PCDH7: variants seen among roughly 807,000 people sequenced by gnomAD.
The protein encoded by PCDH7 is protocadherin 7, also known as protocadherin-7.
Under a neutral mutation model 58.9 loss-of-function variants are expected in PCDH7, and 17 were observed. That is an observed-to-expected ratio of 0.29 (90% CI 0.20 to 0.43). The LOEUF is 0.43. Ranked by LOEUF, PCDH7 falls within the 20% of genes least tolerant of loss-of-function variation. PCDH7 has a pLI of 1.00. For missense variants in PCDH7, 1,274 were observed against 1,441.0 expected, an observed-to-expected ratio of 0.88 and a Z score of 1.88; for synonymous variants, 664 against 616.4, an observed-to-expected ratio of 1.08 and a Z score of -1.14.
At chr4:31,106,027 T>A (rs1460110176) in intron 3 of PCDH7, among the ~76,000 whole-genome samples, 2 of 150,224 alleles carry the variant, frequency 1.3e-5, no homozygotes, top group South Asian at 2.1e-4. Context: ...AAAAAAAATA[T>A]ATATATATAT....
intron 2 of PCDH7, among the ~76,000 whole-genome samples, chr4:30,924,200 T>G (rs552337775): frequency 2.0e-5 from 3 of 152,300 alleles, no homozygotes; most frequent in Admixed American, 2.0e-4. Flanking sequence ...CAAAGCCAGT[T>G]TGCCTTTGCT....
chr4:30,918,160 A>G (rs1384248679), intron 1 of PCDH7, among the ~76,000 whole-genome samples: 2 of 152,174 alleles, frequency 1.3e-5, no homozygotes, highest in Non-Finnish European at 1.5e-5. Context: ...ATATGTCTGC[A>G]TGACCCTTGG....
At chr4:30,916,691 G>A (rs546788528) in intron 1 of PCDH7, among the ~76,000 whole-genome samples, 4 of 152,250 alleles carry the variant, frequency 2.6e-5, no homozygotes, top group Admixed American at 6.5e-5. Context: ...GATGGAACCA[G>A]GAGTCTACTG....
chr4:31,114,784 C>T (rs535099449), intron 3 of PCDH7, among the ~76,000 whole-genome samples: 1 of 152,146 alleles, frequency 6.6e-6, no homozygotes, highest in African/African-American at 2.4e-5. Context: ...AGCAAAATTC[C>T]TGTTATTTAA....
intron 3 of PCDH7, among the ~76,000 whole-genome samples, chr4:30,957,963 T>C (rs552927386): frequency 6.6e-6 from 1 of 152,234 alleles, no homozygotes; most frequent in East Asian, 1.9e-4. Context: ...CATTTGAATA[T>C]GTTTTATGAC....
intron 3 of PCDH7, among the ~76,000 whole-genome samples, chr4:31,076,497 T>G (rs1323922996): frequency 1.3e-5 from 2 of 152,186 alleles, no homozygotes; most frequent in African/African-American, 4.8e-5. Context: ...GTGGTACTAT[T>G]TAAAATATAC....
chr4:31,002,723 T>C (rs147869157), intron 3 of PCDH7, among the ~76,000 whole-genome samples: 7 of 152,330 alleles, frequency 4.6e-5, no homozygotes, highest in African/African-American at 1.4e-4. Context: ...GTATTCTAAG[T>C]TCAACTTAAT....
At chr4:30,995,619 A>T (rs1263236937) in intron 3 of PCDH7, among the ~76,000 whole-genome samples, 1 of 152,152 alleles carries the variant, frequency 6.6e-6, no homozygotes, top group African/African-American at 2.4e-5. Flanking sequence ...TTATTATCTT[A>T]CAGTTCTGGA....
intron 1 of PCDH7, among the ~76,000 whole-genome samples, chr4:30,745,332 A>AT (rs1717640367): frequency 6.8e-6 from 1 of 147,242 alleles, no homozygotes; most frequent in African/African-American, 2.5e-5. Context: ...TTTTTCTTTT[A>AT]CAATTTCTAA....
intron 3 of PCDH7, among the ~76,000 whole-genome samples, chr4:30,965,542 T>C (rs542630388): frequency 6.6e-6 from 1 of 152,218 alleles, no homozygotes; most frequent in East Asian, 1.9e-4. Flanking sequence ...TGATAAGATA[T>C]CAAATCACCT....
intron 3 of PCDH7, among the ~76,000 whole-genome samples, chr4:31,024,811 C>T (rs1461314037): frequency 6.6e-6 from 1 of 152,054 alleles, no homozygotes; most frequent in African/African-American, 2.4e-5. Flanking sequence ...ATGCGATCTC[C>T]ACTCGCTGCA....
chr4:30,745,247 TG>T (rs1717621840), intron 1 of PCDH7, among the ~76,000 whole-genome samples: 1 of 116,044 alleles, frequency 8.6e-6, no homozygotes, highest in African/African-American at 2.8e-5. Flanking sequence ...TTTTACATCT[TG>T]TTTTTTTTTT....
At chr4:30,908,785 C>A (rs1462864638) in intron 1 of PCDH7, among the ~76,000 whole-genome samples, 1 of 152,094 alleles carries the variant, frequency 6.6e-6, no homozygotes, top group Admixed American at 6.6e-5. Context: ...TCTTCTGAAA[C>A]TATTCCAAAC....
chr4:30,851,735 A>G (rs1334395465), intron 1 of PCDH7, among the ~76,000 whole-genome samples: 1 of 152,108 alleles, frequency 6.6e-6, no homozygotes, highest in African/African-American at 2.4e-5. Context: ...GTAGTAAAGA[A>G]GAAGTAACCA....
chr4:30,721,291 C>T lies in PCDH7; in HGVS notation c.-132C>T. On this transcript the variant is annotated 5_prime_UTR_variant, in exon 1 of 2. Coordinates refer to ENST00000361762, the Ensembl canonical transcript of PCDH7. This position sits in a 1 kb window ranked among gnomAD's most constrained non-coding sequence, Gnocchi z 6.7. ...TCCACGCCGCTTTTGCCCCCTCCCTCCCCTCCCTCTCGCTCCTTCCTTTCC... is the reference window on the plus strand; with the variant it reads ...TCCACGCCGCTTTTGCCCCCTCCCTTCCCTCCCTCTCGCTCCTTCCTTTCC... 1 of 926,920 alleles carries T rather than the reference C, an allele frequency of 1.1e-6. No homozygotes were observed. The highest frequency in any genetic ancestry group is 1.7e-5 in the African/African-American group (1 of 58,796). 57.4% of individuals were successfully genotyped at this position (926,920 alleles called of 1,614,324 possible).
chr4:31,121,141 G>A (rs1717645568), intron 3 of PCDH7, among the ~76,000 whole-genome samples: 1 of 152,140 alleles, frequency 6.6e-6, no homozygotes, highest in Admixed American at 6.6e-5. Context: ...ATAAAGAGAT[G>A]TTTTGGGGCT....
At chr4:30,779,978 G>A (rs1560361967) in intron 1 of PCDH7, among the ~76,000 whole-genome samples, 1 of 152,096 alleles carries the variant, frequency 6.6e-6, no homozygotes, top group Non-Finnish European at 1.5e-5. Context: ...TTCCAAAGGT[G>A]GCCGGTATTA....
In PCDH7 at chr4:30,938,121, C is replaced by T. The variant is rs556079691; in HGVS notation, c.288-11999C>T. Among the ~76,000 whole-genome samples, 19 of 152,198 alleles carry T rather than the reference C, an allele frequency of 1.2e-4. No homozygotes were observed. In the East Asian group the frequency reaches 2.7e-3, roughly 22 times the overall value. ...AAAAAGAACAAAAAATGTAATATAG[C>T]TACATGGAGAGATGTATGCCTCTGA... is the stretch of plus-strand genomic sequence containing the variant. On this transcript the variant is annotated intron_variant, in intron 2 of 3. Transcript: ENST00000509759.
chr4:30,737,379 G>A (rs1340829427), downstream of PCDH7, among the ~76,000 whole-genome samples: 1 of 152,156 alleles, frequency 6.6e-6, no homozygotes, highest in African/African-American at 2.4e-5. Flanking sequence ...TAGGCTGGGT[G>A]CAGTGGCTCA....
Sources: allele counts gnomAD v4.1 joint callset (sites outside exome capture counted in the v4.1 genomes callset), GRCh38; gene constraint gnomAD v4.1.1; non-coding constraint Gnocchi (gnomAD v3.1); transcripts MANE v1.5; gene names NCBI Gene and HGNC (gene_info 2026-07-23, HGNC 2026-07-21).